Variants in ZNF765 observed in about 807,000 individuals in gnomAD.
The protein encoded by ZNF765 is zinc finger protein 765.
A neutral mutation model predicts 44.7 loss-of-function variants in ZNF765; 37 were observed. That is an observed-to-expected ratio of 0.83 (90% CI 0.64 to 1.09). The LOEUF (loss-of-function observed/expected upper bound fraction) is 1.09. Ranked by LOEUF, ZNF765 falls within the 50% of genes least tolerant of loss-of-function variation. The pLI, the probability that ZNF765 is intolerant of heterozygous loss-of-function variation, is 0.00. For missense variants in ZNF765, 594 were observed against 626.1 expected, an observed-to-expected ratio of 0.95 and a Z score of 0.55; for synonymous variants, 201 against 213.7, an observed-to-expected ratio of 0.94 and a Z score of 0.52.
downstream of ZNF765, among the ~76,000 whole-genome samples, chr19:53,415,026 CT>C (rs2085866667): frequency 6.6e-6 from 1 of 152,152 alleles, no homozygotes; most frequent in Non-Finnish European, 1.5e-5. Context: ...AATCCCAGCA[CT>C]TTGGGAGGTT....
chr19:53,407,980 T>C lies in ZNF765; in HGVS notation c.425T>C (p.Phe142Ser), dbSNP rs754311697. ...GNKPVKYQLG[F>S]SFHSHLPELH... ...AAGCCTGTTAAATATCAGCTTGGAT[T>C]CAGCTTTCATTCGCATCTGCCTGAA... Residue 142 changes from phenylalanine (F) to serine (S), a missense_variant, in exon 4 of 4, where the codon TTC becomes TCC. Phe to Ser is a radical substitution (Grantham distance 155). Coordinates refer to ENST00000396408, the MANE Select transcript of ZNF765 (RefSeq NM_001040185.3). The C allele has an allele frequency of 2.7e-5, 43 of 1,614,096 alleles. No individual in the cohort carries two copies. Among genetic ancestry groups the C allele is most frequent in the Non-Finnish European group, 1.4e-5 (17 of 1,180,046 alleles).
At chr19:53,422,982 G>C in intron 3 of ZNF765, 1 of 721,090 alleles carries the variant, frequency 1.4e-6, no homozygotes, top group Non-Finnish European at 2.5e-6. Context: ...CCCTAGAGGA[G>C]TCCCACAGAC....
At chr19:53,418,445 C>T (rs1158015491) in intron 3 of ZNF765, among the ~76,000 whole-genome samples, 1 of 152,168 alleles carries the variant, frequency 6.6e-6, no homozygotes. Context: ...CACAGAACCA[C>T]AATCCCATAT....
intron 1 of ZNF765, among the ~76,000 whole-genome samples, chr19:53,396,557 A>G (rs997886936): frequency 1.3e-5 from 2 of 152,170 alleles, no homozygotes; most frequent in Admixed American, 1.3e-4. Context: ...CTGCATTGAA[A>G]GAAAAACAAG....
intron 3 of ZNF765, among the ~76,000 whole-genome samples, chr19:53,403,720 G>A (rs2085749876): frequency 6.6e-6 from 1 of 152,080 alleles, no homozygotes; most frequent in Non-Finnish European, 1.5e-5. Flanking sequence ...GTGGGCGCCT[G>A]TAATCCTGCT....
At chr19:53,423,317 C>T in exon 4 of ZNF765, 2 of 625,494 alleles carry the variant, frequency 3.2e-6, no homozygotes, top group Non-Finnish European at 5.9e-6. Context: ...ACGAGGGCAC[C>T]AGAGAGTCGC....
intron 2 of ZNF765, among the ~76,000 whole-genome samples, chr19:53,399,709 G>A (rs565202753): frequency 1.6e-4 from 24 of 152,062 alleles, no homozygotes; most frequent in African/African-American, 4.3e-4. Flanking sequence ...TACGTTTGGG[G>A]CCATATGTTC....
chr19:53,404,767 A>G (rs2085759298), intron 3 of ZNF765, among the ~76,000 whole-genome samples: 1 of 152,128 alleles, frequency 6.6e-6, no homozygotes, highest in African/African-American at 2.4e-5. Flanking sequence ...GCCAGCCTCA[A>G]AGTTTTTAAA....
In ZNF765 at chr19:53,420,471, A is replaced by G. The variant is rs567327016; in HGVS notation, c.143-2591A>G. The stretch of plus-strand genomic sequence containing the variant: ...AACACCTTTTACAAAACTCACCTCA[A>G]CACTTATTGTTTTACTCAATTTATG... On this transcript the variant is annotated intron_variant, in intron 3 of 3. Coordinates refer to the ZNF765 transcript ENST00000594030. 1.5e-4 allele frequency among the ~76,000 whole-genome samples: 23 copies of G among 152,312 alleles called. 1 individual carries two copies. Among genetic ancestry groups the G allele is most frequent in the Non-Finnish European group, 2.6e-4 (18 of 68,028 alleles).
At chr19:53,395,355 TG>T (rs1186978098) in intron 1 of ZNF765, among the ~76,000 whole-genome samples, 162 bp downstream of exon 1, 1 of 152,230 alleles carries the variant, frequency 6.6e-6, no homozygotes, top group East Asian at 1.9e-4. Flanking sequence ...CGCTTCCTTT[TG>T]GGTTTAAGGT....
chr19:53,419,784 G>A (rs1269815276), intron 3 of ZNF765, among the ~76,000 whole-genome samples: 5 of 152,004 alleles, frequency 3.3e-5, no homozygotes, highest in South Asian at 4.1e-4. Context: ...TTAGGAGGCC[G>A]AGGCGGGTGG....
chr19:53,422,401 T>C (rs1391635418), intron 3 of ZNF765, among the ~76,000 whole-genome samples: 2 of 152,148 alleles, frequency 1.3e-5, no homozygotes, highest in Non-Finnish European at 2.9e-5. Context: ...GGCTCATCGA[T>C]TATGAAGAAT....
At chr19:53,395,220 G>A (rs2085654959) in intron 1 of ZNF765, 27 bp downstream of exon 1, 1 of 152,310 alleles carries the variant, frequency 6.6e-6, no homozygotes, top group Non-Finnish European at 1.5e-5. Context: ...TTTGTATTAA[G>A]TCTGTGCTTC....
chr19:53,412,394 T>A (rs1025827804), downstream of ZNF765, among the ~76,000 whole-genome samples: 2 of 152,200 alleles, frequency 1.3e-5, no homozygotes, highest in Non-Finnish European at 1.5e-5. Flanking sequence ...TCTACAATCC[T>A]TTTTACATCC....
At chr19:53,404,708 C>A (rs1236555606) in intron 3 of ZNF765, among the ~76,000 whole-genome samples, 1 of 152,140 alleles carries the variant, frequency 6.6e-6, no homozygotes, top group Non-Finnish European at 1.5e-5. Context: ...GATCCTCCTG[C>A]CTCAGCCTCC....
rs192680320 is a variant in ZNF765 at position 53,419,815 on chromosome 19, C to T, written c.143-3247C>T. Among the ~76,000 whole-genome samples, 501 of 149,012 alleles carry T rather than the reference C, an allele frequency of 3.4e-3. 1 individual carries two copies. The highest frequency in any genetic ancestry group is 0.02 in the Middle Eastern group (5 of 254). On this transcript the variant is annotated intron_variant, in intron 3 of 3. Coordinates refer to the ZNF765 transcript ENST00000594030. ...GGTGGATCACCTGAGGTCAGGAGTTCGAGACCAGCCTGGCCAACATGGCGA... is the reference window on the plus strand; with the variant it reads ...GGTGGATCACCTGAGGTCAGGAGTTTGAGACCAGCCTGGCCAACATGGCGA...
At chr19:53,395,693 CCA>C (rs2085660919) in intron 1 of ZNF765, among the ~76,000 whole-genome samples, 1 of 152,218 alleles carries the variant, frequency 6.6e-6, no homozygotes, top group South Asian at 2.1e-4. Flanking sequence ...AGGTTCGCCT[CCA>C]CAGTCACTGC....
intron 3 of ZNF765, among the ~76,000 whole-genome samples, chr19:53,418,117 T>C (rs1023466478): frequency 2.6e-5 from 4 of 152,152 alleles, no homozygotes; most frequent in African/African-American, 7.2e-5. Context: ...TATAATAGCG[T>C]CCTGGCTGGG....
intron 3 of ZNF765, among the ~76,000 whole-genome samples, chr19:53,418,910 GAAAA>G (rs34443506): frequency 1.2e-4 from 12 of 96,846 alleles, no homozygotes; most frequent in South Asian, 7.8e-4. Context: ...GTTGTGGGAG[GAAAA>G]AAAAAAAAAA....
Sources: allele counts gnomAD v4.1 joint callset (sites outside exome capture counted in the v4.1 genomes callset), GRCh38; gene constraint gnomAD v4.1.1; transcripts MANE v1.5; gene names NCBI Gene and HGNC (gene_info 2026-07-23, HGNC 2026-07-21).